The following SPAG16 variants were observed in gnomAD, a reference collection of about 807,000 sequenced individuals.
SPAG16 encodes sperm-associated antigen 16 protein.
A neutral mutation model predicts 80.4 loss-of-function variants in SPAG16; 86 were observed. The observed-to-expected ratio is 1.07, with a 90% confidence interval of 0.90 to 1.28. The LOEUF is 1.28. SPAG16 is among the 50% of genes most tolerant of loss of function. The probability of loss-of-function intolerance (pLI) is 0.00; values close to 1 mark genes in which losing one functional copy is unlikely to be tolerated. For synonymous variants in SPAG16, 294 were observed against 265.9 expected, an observed-to-expected ratio of 1.11 and a Z score of -1.03; for missense variants, 870 against 765.3, an observed-to-expected ratio of 1.14 and a Z score of -1.61.
intron 15 of SPAG16, among the ~76,000 whole-genome samples, chr2:214,328,541 G>A (rs149084471): frequency 1.9e-4 from 29 of 152,260 alleles, no homozygotes; most frequent in Middle Eastern, 3.4e-3. Context: ...CTGAGCTCCC[G>A]CAATTTCCTT....
intron 2 of SPAG16, chr2:213,297,044 T>TAAA: frequency 7.3e-7 from 1 of 1,375,396 alleles, no homozygotes; most frequent in Non-Finnish European, 9.5e-7. Flanking sequence ...GCCCACAAAC[T>TAAA]AATCCTGAAT....
chr2:213,707,652 T>TA (rs2065816978), intron 10 of SPAG16, among the ~76,000 whole-genome samples: 1 of 151,992 alleles, frequency 6.6e-6, no homozygotes, highest in Non-Finnish European at 1.5e-5. Context: ...ATCATGTGCC[T>TA]AAAATGTAGG....
chr2:213,559,357 T>C (rs1297863955), intron 10 of SPAG16, among the ~76,000 whole-genome samples: 1 of 152,166 alleles, frequency 6.6e-6, no homozygotes, highest in Non-Finnish European at 1.5e-5. Flanking sequence ...AAGAATACAA[T>C]TATTGTCACG....
chr2:213,805,483 A>C lies in SPAG16; in HGVS notation c.1071-57002A>C, dbSNP rs79476377. On this transcript the variant is annotated intron_variant, in intron 10 of 15. Coordinates refer to ENST00000331683, the MANE Select transcript of SPAG16 (RefSeq NM_024532.5). ...TTGACAGGGCTTCAGAGAACCAACCAAGGCCAATAGAGATAAGATACAGGG... is the reference window on the plus strand; with the variant it reads ...TTGACAGGGCTTCAGAGAACCAACCCAGGCCAATAGAGATAAGATACAGGG... 8.7e-3 allele frequency among the ~76,000 whole-genome samples: 1,328 copies of C among 152,328 alleles called. 24 individuals carry two copies. The highest frequency in any genetic ancestry group is 0.029 in the African/African-American group (1,201 of 41,566).
chr2:213,516,153 A>T (rs988422357), intron 10 of SPAG16, among the ~76,000 whole-genome samples: 6 of 152,344 alleles, frequency 3.9e-5, no homozygotes, highest in Non-Finnish European at 5.9e-5. Context: ...TGCTCAAAGG[A>T]AAAATTCAGC....
rs1280564604 is a variant in SPAG16, at chr2:213,762,798, A to G, written c.1071-99687A>G. ...ATAATAAGTCGAACTACACCAAACT[A>G]AAAAGCTTCTGTACAACAAAGGAAG... On this transcript the variant is annotated intron_variant, in intron 10 of 15. Transcript: ENST00000331683. Among the ~76,000 whole-genome samples the G allele has an allele frequency of 2.0e-5, 3 of 152,198 alleles. No homozygotes were observed. The East Asian group carries it at 5.8e-4, about 29-fold the overall frequency.
rs538819979 is a variant in SPAG16 at position 214,374,566 on chromosome 2, A to AGAACGGAG, written c.1721-35573_1721-35566dup. Among the ~76,000 whole-genome samples, 1,247 of 152,334 alleles carry AGAACGGAG rather than the reference A, an allele frequency of 8.2e-3. 10 individuals carry two copies. Among genetic ancestry groups the AGAACGGAG allele is most frequent in the Non-Finnish European group, 0.014 (968 of 68,018 alleles). ...GGTATCATAAACTCTTTTATCAAAT[A>AGAACGGAG]GAACGGAGTGAAGCAGAACAGCAAC... is the stretch of plus-strand genomic sequence containing the variant. On this transcript the variant is annotated intron_variant, in intron 15 of 15. Transcript: ENST00000331683.
chr2:214,002,283 G>A (rs1349441981), intron 12 of SPAG16, among the ~76,000 whole-genome samples: 1 of 152,076 alleles, frequency 6.6e-6, no homozygotes, highest in Admixed American at 6.6e-5. Context: ...CTTACATATA[G>A]CTCACATTCA....
chr2:213,775,803 A>C (rs551933070), intron 10 of SPAG16, among the ~76,000 whole-genome samples: 14 of 152,252 alleles, frequency 9.2e-5, no homozygotes, highest in African/African-American at 3.1e-4. Context: ...TTTCATAATT[A>C]TCCTTTACCT....
At position 213,848,845 on chromosome 2, in the gene SPAG16, C is replaced by G. The variant is rs11685322; in HGVS notation, c.1071-13640C>G. Among the ~76,000 whole-genome samples, 1,451 of 152,184 alleles carry G rather than the reference C, an allele frequency of 9.5e-3. 11 individuals are homozygous for G. The highest frequency in any genetic ancestry group is 0.015 in the Non-Finnish European group (1,048 of 68,016). On this transcript the variant is annotated intron_variant, in intron 10 of 15. Coordinates refer to ENST00000331683, the MANE Select transcript of SPAG16 (RefSeq NM_024532.5). ...TTTGATCTATTCCTCTTGTTCACAA[C>G]AGTTTCTGCTTGTGGCCTATGACGC... is the stretch of plus-strand genomic sequence containing the variant.
At chr2:213,420,000 T>C (rs2069492442) in intron 9 of SPAG16, among the ~76,000 whole-genome samples, 1 of 151,866 alleles carries the variant, frequency 6.6e-6, no homozygotes, top group South Asian at 2.1e-4. Flanking sequence ...CTATGGATAA[T>C]ATTTTTTTCT....
intron 13 of SPAG16, among the ~76,000 whole-genome samples, chr2:214,016,684 A>G (rs1215053035): frequency 6.6e-6 from 1 of 152,182 alleles, no homozygotes; most frequent in Non-Finnish European, 1.5e-5. Flanking sequence ...TGTAGGAAAG[A>G]GAAAAGATAA....
Position 213,509,921 on chromosome 2 carries a change from A to G in SPAG16, c.1070+19831A>G, listed in dbSNP as rs150546570. On this transcript the variant is annotated intron_variant, in intron 10 of 15. Coordinates refer to ENST00000331683, the MANE Select transcript of SPAG16 (RefSeq NM_024532.5). ...TCAACAAAATTGATAGACTGCTAGC[A>G]AGACTAATAAAGAAGAAAAGAGAGA... Among the ~76,000 whole-genome samples the G allele has an allele frequency of 4.4e-3, 669 of 152,304 alleles. 4 individuals are homozygous for G. The highest frequency in any genetic ancestry group is 0.015 in the African/African-American group (620 of 41,572).
chr2:213,868,061 C>T (rs2075775592), intron 11 of SPAG16, among the ~76,000 whole-genome samples: 1 of 151,594 alleles, frequency 6.6e-6, no homozygotes, highest in South Asian at 2.1e-4. Context: ...TGATATGCAA[C>T]CATCAACATT....
intron 12 of SPAG16, among the ~76,000 whole-genome samples, chr2:213,994,859 A>T (rs974442379): frequency 6.6e-6 from 1 of 152,176 alleles, no homozygotes; most frequent in Non-Finnish European, 1.5e-5. Context: ...GGTTATTGCA[A>T]GGTCTTGGAT....
chr2:214,405,486 A>G (rs1275035239), intron 15 of SPAG16, among the ~76,000 whole-genome samples: 1 of 152,180 alleles, frequency 6.6e-6, no homozygotes, highest in East Asian at 1.9e-4. Flanking sequence ...TTTGAGTAAT[A>G]AAGTTTTCAA....
chr2:214,161,932 G>T (rs2056457248), intron 15 of SPAG16, among the ~76,000 whole-genome samples: 1 of 152,100 alleles, frequency 6.6e-6, no homozygotes, highest in Non-Finnish European at 1.5e-5. Flanking sequence ...AGGAGGGATT[G>T]CTGAAGAATA....
chr2:213,467,194 C>T (rs2072746790), intron 9 of SPAG16, among the ~76,000 whole-genome samples: 1 of 152,120 alleles, frequency 6.6e-6, no homozygotes, highest in Non-Finnish European at 1.5e-5. Flanking sequence ...GCTTCTAGCC[C>T]TTTCCTAGCT....
chr2:213,660,910 A>G (rs1184057376), intron 10 of SPAG16, among the ~76,000 whole-genome samples: 3 of 152,116 alleles, frequency 2.0e-5, no homozygotes, highest in South Asian at 2.1e-4. Context: ...TTGATCACCA[A>G]TAAGTAGTGC....
Sources: allele counts gnomAD v4.1 joint callset (sites outside exome capture counted in the v4.1 genomes callset), GRCh38; gene constraint gnomAD v4.1.1; transcripts MANE v1.5; gene names NCBI Gene and HGNC (gene_info 2026-07-23, HGNC 2026-07-21).